Variants in ICA1L observed in about 807,000 individuals in gnomAD.
ICA1L encodes islet cell autoantigen 1-like protein.
In ICA1L, 50 loss-of-function variants were observed where a neutral mutation model predicts 61.3. That is an observed-to-expected ratio of 0.82 (90% CI 0.65 to 1.03). ICA1L has a LOEUF of 1.03. ICA1L is among the 50% of genes least tolerant of loss of function. ICA1L has a pLI of 0.00. For missense variants in ICA1L, 508 were observed against 556.7 expected, an observed-to-expected ratio of 0.91 and a Z score of 0.88; for synonymous variants, 161 against 191.3, an observed-to-expected ratio of 0.84 and a Z score of 1.31.
chr2:202,794,781 G>A (rs1043645792), intron 10 of ICA1L, among the ~76,000 whole-genome samples: 3 of 151,708 alleles, frequency 2.0e-5, no homozygotes, highest in Admixed American at 6.6e-5. Context: ...AATAAACAAC[G>A]GGAAGTGTTC....
In ICA1L at chr2:202,861,482, A is replaced by AG. The variant is rs1694911245; in HGVS notation, c.-8+10136dup. On this transcript the variant is annotated intron_variant, in intron 1 of 12. Transcript: ENST00000358299. ...CTAAATAACAAAGCTCCCAAATACA[A>AG]GAAAAAAAAATAACCTGACAGAACT... 2.0e-5 allele frequency among the ~76,000 whole-genome samples: 3 copies of AG among 151,766 alleles called. No homozygotes were observed. In the South Asian group the frequency reaches 6.2e-4, roughly 32 times the overall value.
At chr2:202,803,397 T>A in intron 9 of ICA1L, among the ~76,000 whole-genome samples, 2 of 74,502 alleles carry the variant, frequency 2.7e-5, no homozygotes, top group South Asian at 4.6e-4. Context: ...CAAGACTCGA[T>A]CTCAAAAAAA....
chr2:202,795,840 C>T (rs1380191919), intron 10 of ICA1L, among the ~76,000 whole-genome samples: 5 of 151,710 alleles, frequency 3.3e-5, no homozygotes, highest in Admixed American at 2.6e-4. Context: ...GCCAGGAATT[C>T]GAGGCCAGCC....
intron 9 of ICA1L, among the ~76,000 whole-genome samples, chr2:202,805,827 A>G (rs1273459707): frequency 1.3e-5 from 2 of 152,194 alleles, no homozygotes; most frequent in Non-Finnish European, 2.9e-5. Context: ...TAATAGCATG[A>G]ATAGATGTTG....
chr2:202,783,231 G>A (rs1341281652), intron 12 of ICA1L, among the ~76,000 whole-genome samples: 1 of 152,150 alleles, frequency 6.6e-6, no homozygotes, highest in Admixed American at 6.5e-5. Flanking sequence ...TGCTAAATTA[G>A]TGGGCAAAAC....
intron 6 of ICA1L, 69 bp downstream of exon 6, chr2:202,817,349 A>G: frequency 2.8e-6 from 4 of 1,406,166 alleles, no homozygotes; most frequent in Admixed American, 4.9e-5. Flanking sequence ...CACCCTTTAG[A>G]CAACTTTTAA....
intron 1 of ICA1L, among the ~76,000 whole-genome samples, chr2:202,852,202 A>G (rs1403757278): frequency 6.6e-6 from 1 of 152,046 alleles, no homozygotes; most frequent in Non-Finnish European, 1.5e-5. Flanking sequence ...TTCAGTCTTT[A>G]CTATTTATGT....
chr2:202,847,411 G>C (rs1574375928), intron 1 of ICA1L, among the ~76,000 whole-genome samples: 1 of 152,088 alleles, frequency 6.6e-6, no homozygotes, highest in Non-Finnish European at 1.5e-5. Context: ...TAAAACTGTA[G>C]TAATAAAAAA....
chr2:202,791,460 CAGTA>C (rs748321743), intron 10 of ICA1L, among the ~76,000 whole-genome samples: 5 of 152,294 alleles, frequency 3.3e-5, no homozygotes, highest in Admixed American at 6.5e-5. Flanking sequence ...ATAGATTTGT[CAGTA>C]AGGAAGATAC....
At chr2:202,850,027 G>A (rs912162684) in intron 1 of ICA1L, among the ~76,000 whole-genome samples, 1 of 152,150 alleles carries the variant, frequency 6.6e-6, no homozygotes, top group African/African-American at 2.4e-5. Flanking sequence ...TAGACCTCCA[G>A]CAAACTGTAG....
chr2:202,817,614 A>G (rs867945709), intron 5 of ICA1L, 71 bp from the exon 6 acceptor site: 9 of 761,938 alleles, frequency 1.2e-5, no homozygotes, highest in Non-Finnish European at 1.6e-5. Context: ...AGACATAAAT[A>G]TAGTATACAG....
intron 1 of ICA1L, among the ~76,000 whole-genome samples, chr2:202,855,788 G>A (rs1209730029): frequency 6.6e-6 from 1 of 152,032 alleles, no homozygotes; most frequent in African/African-American, 2.4e-5. Flanking sequence ...AAAAAAAGAG[G>A]GACTCGGCTG....
chr2:202,822,970 T>C (rs1180551490), intron 3 of ICA1L, among the ~76,000 whole-genome samples: 1 of 152,232 alleles, frequency 6.6e-6, no homozygotes, highest in African/African-American at 2.4e-5. Context: ...ACTTGAGAGA[T>C]GTACAGTTTA....
intron 12 of ICA1L, among the ~76,000 whole-genome samples, chr2:202,783,015 G>T (rs1334854446): frequency 1.3e-5 from 2 of 152,112 alleles, no homozygotes; most frequent in African/African-American, 4.8e-5. Flanking sequence ...TCCCCTACTG[G>T]CTGACCTCAA....
At chr2:202,851,843 C>G (rs1281932399) in intron 1 of ICA1L, among the ~76,000 whole-genome samples, 1 of 152,206 alleles carries the variant, frequency 6.6e-6, no homozygotes, top group East Asian at 1.9e-4. Context: ...CCTTCTCCCA[C>G]TTTGTGATGG....
At chr2:202,844,262 G>A (rs1011016542) in intron 1 of ICA1L, 6 of 152,122 alleles carry the variant, frequency 3.9e-5, no homozygotes, top group African/African-American at 1.4e-4. Context: ...TGTAGTCCCA[G>A]CTACCTGGGA....
In ICA1L at chr2:202,802,577, A is replaced by C. The variant is rs969255516; in HGVS notation, c.911-5613T>G. 7.2e-5 allele frequency among the ~76,000 whole-genome samples: 11 copies of C among 152,256 alleles called. No homozygotes were observed. In the East Asian group the frequency reaches 2.1e-3, roughly 29 times the overall value. The stretch of plus-strand genomic sequence containing the variant: ...CTGAAAGAGCAGAATACCAAAAACA[A>C]AGAGCATATCCTAAAAACGGCCAGA... On this transcript the variant is annotated intron_variant, in intron 9 of 12. Coordinates refer to ENST00000358299, the MANE Select transcript of ICA1L (RefSeq NM_001288622.3).
chr2:202,855,165 T>G (rs1362579545), intron 1 of ICA1L, among the ~76,000 whole-genome samples: 1 of 152,066 alleles, frequency 6.6e-6, no homozygotes, highest in Non-Finnish European at 1.5e-5. Flanking sequence ...AGAAGGAAAT[T>G]TATAGCACTA....
At chr2:202,827,263 A>AG (rs1693871551) in intron 2 of ICA1L, among the ~76,000 whole-genome samples, 1 of 152,098 alleles carries the variant, frequency 6.6e-6, no homozygotes, top group South Asian at 2.1e-4. Context: ...CCATGGTGGC[A>AG]GGCTCCTGTA....
Sources: allele counts gnomAD v4.1 joint callset (sites outside exome capture counted in the v4.1 genomes callset), GRCh38; gene constraint gnomAD v4.1.1; transcripts MANE v1.5; gene names NCBI Gene and HGNC (gene_info 2026-07-23, HGNC 2026-07-21).